Variants in CEP85L observed in about 807,000 individuals in gnomAD.
CEP85L encodes centrosomal protein 85L.
A neutral mutation model predicts 100.3 loss-of-function variants in CEP85L; 60 were observed. The ratio of observed to expected loss-of-function variants is 0.60; its 90% CI spans 0.49 to 0.74. The LOEUF (loss-of-function observed/expected upper bound fraction) is 0.74, where lower values mean the gene tolerates loss of function less well. Among genes scored for constraint, CEP85L ranks in the 30% least tolerant of loss-of-function variants. The probability of loss-of-function intolerance (pLI) is 0.00; values close to 1 mark genes in which losing one functional copy is unlikely to be tolerated. For missense variants in CEP85L, 973 were observed against 936.2 expected (o/e 1.04, Z -0.51); for synonymous variants, 319 against 322.7 (o/e 0.99, Z 0.12).
chr6:118,640,897 T>C (rs1299870816), intron 1 of CEP85L, among the ~76,000 whole-genome samples: 3 of 152,202 alleles, frequency 2.0e-5, no homozygotes, highest in Non-Finnish European at 4.4e-5. Flanking sequence ...TTTTTATTAC[T>C]GTCCATGCAT....
At chr6:118,478,041 T>C (rs1773515623) in intron 10 of CEP85L, among the ~76,000 whole-genome samples, 1 of 152,068 alleles carries the variant, frequency 6.6e-6, no homozygotes, top group Admixed American at 6.5e-5. Flanking sequence ...CAGGCAGCTT[T>C]AAGGAAGTAG....
Position 118,632,436 on chromosome 6 carries a change from T to C in CEP85L, c.232+17A>G. 4 of 1,574,546 alleles carry C rather than the reference T, an allele frequency of 2.5e-6. No individual in the cohort carries two copies. Among genetic ancestry groups the C allele is most frequent in the Non-Finnish European group, 3.4e-6 (4 of 1,161,316 alleles). On this transcript the variant is annotated intron_variant, in intron 2 of 12. Coordinates refer to ENST00000368491, the MANE Select transcript of CEP85L (RefSeq NM_001042475.3). Reference sequence around the variant, plus strand: ...TCTTCAAAGATTCATATATAAACAATAAGAATTTTAGCTCACCTTCCACGC... The same window carrying C: ...TCTTCAAAGATTCATATATAAACAACAAGAATTTTAGCTCACCTTCCACGC...
chr6:118,594,885 A>AC (rs1386623103), intron 2 of CEP85L, among the ~76,000 whole-genome samples: 3 of 151,770 alleles, frequency 2.0e-5, no homozygotes, highest in African/African-American at 7.3e-5. Context: ...ACAAAACAAA[A>AC]AAAAAAAACC....
chr6:118,464,653 G>C lies in CEP85L; in HGVS notation c.*752C>G, dbSNP rs1039051842. 1 of 151,816 alleles carries C rather than the reference G, an allele frequency of 6.6e-6. No homozygotes were observed. Among genetic ancestry groups the C allele is most frequent in the African/African-American group, 2.4e-5 (1 of 41,358 alleles). 9.4% of individuals were successfully genotyped at this position (151,816 alleles called of 1,614,324 possible). ...AATAGTAAGGAACATGTTAAAATTA[G>C]TTCAAGTTATGTTAACCTTTCTTGT... On this transcript the variant is annotated 3_prime_UTR_variant, in exon 13 of 13. Transcript: ENST00000368491.
At chr6:118,503,868 T>G (rs1488930748) in intron 5 of CEP85L, among the ~76,000 whole-genome samples, 1 of 144,936 alleles carries the variant, frequency 6.9e-6, no homozygotes, top group Non-Finnish European at 1.5e-5. Flanking sequence ...TAGATGAACT[T>G]GGCTATGGCA....
At chr6:118,502,059 C>G (rs1775341043) in intron 5 of CEP85L, 2 of 848,516 alleles carry the variant, frequency 2.4e-6, no homozygotes, top group African/African-American at 3.4e-5. Context: ...TGGGACTTCC[C>G]CATCCTGTGG....
At chr6:118,613,897 A>G (rs1005847819) in intron 2 of CEP85L, among the ~76,000 whole-genome samples, 1 of 152,122 alleles carries the variant, frequency 6.6e-6, no homozygotes, top group Non-Finnish European at 1.5e-5. Flanking sequence ...TAAAGGTATT[A>G]TAGTATTAAC....
chr6:118,701,461 G>A (rs1204149088), intron 1 of CEP85L, among the ~76,000 whole-genome samples: 2 of 152,284 alleles, frequency 1.3e-5, no homozygotes, highest in East Asian at 1.9e-4. Flanking sequence ...GAACAAGTTC[G>A]TGTCCTTTGC....
At chr6:118,516,152 T>C (rs751664929) in intron 4 of CEP85L, among the ~76,000 whole-genome samples, 42 of 152,218 alleles carry the variant, frequency 2.8e-4, no homozygotes, top group Non-Finnish European at 4.7e-4. Flanking sequence ...AGTTGTATCA[T>C]TGATGGGTAT....
At chr6:118,564,642 C>T (rs1282894138) in intron 3 of CEP85L, among the ~76,000 whole-genome samples, 3 of 152,088 alleles carry the variant, frequency 2.0e-5, no homozygotes, top group Non-Finnish European at 4.4e-5. Context: ...TTTCCTTATC[C>T]TTTCATAGCC....
upstream of CEP85L, chr6:118,652,492 G>A (rs1775624392): frequency 2.3e-6 from 3 of 1,324,188 alleles, no homozygotes; most frequent in South Asian, 5.2e-5. Context: ...GGTGGGAGGC[G>A]GGCTCTGCAG....
intron 1 of CEP85L, among the ~76,000 whole-genome samples, chr6:118,632,827 C>T (rs1774251462): frequency 6.6e-6 from 1 of 152,206 alleles, no homozygotes; most frequent in Admixed American, 6.5e-5. Flanking sequence ...AGCTGAAGAA[C>T]TCTGTTTTCT....
chr6:118,641,879 T>A (rs1774900078), intron 1 of CEP85L, among the ~76,000 whole-genome samples: 1 of 152,170 alleles, frequency 6.6e-6, no homozygotes, highest in Non-Finnish European at 1.5e-5. Context: ...TCACCTAGCA[T>A]TTCTGTTTGA....
intron 2 of CEP85L, among the ~76,000 whole-genome samples, chr6:118,570,014 T>C (rs1003299049): frequency 6.6e-6 from 1 of 152,182 alleles, no homozygotes; most frequent in African/African-American, 2.4e-5. Flanking sequence ...TTTGTACATA[T>C]CACTGTTTAA....
chr6:118,662,699 T>C (rs1776015116), intron 1 of CEP85L, among the ~76,000 whole-genome samples: 1 of 152,166 alleles, frequency 6.6e-6, no homozygotes, highest in Admixed American at 6.6e-5. Context: ...ATATTAGCTA[T>C]AGTATATTAA....
chr6:118,507,422 A>G (rs751866094), intron 5 of CEP85L, among the ~76,000 whole-genome samples: 5 of 152,178 alleles, frequency 3.3e-5, no homozygotes, highest in Admixed American at 6.5e-5. Flanking sequence ...AATAACATCT[A>G]CCTTAAATCC....
rs577495793 is a variant in CEP85L at position 118,494,100 on chromosome 6, G to A, written c.1258-2235C>T. ...GAAAAAAAGGATAGGTAGAAACAGAGGTTCATAACCTAATAAAGCAAAAAC... is the reference window on the plus strand; with the variant it reads ...GAAAAAAAGGATAGGTAGAAACAGAAGTTCATAACCTAATAAAGCAAAAAC... On this transcript the variant is annotated intron_variant, in intron 5 of 12. Transcript: ENST00000368491. Among the ~76,000 whole-genome samples the A allele has an allele frequency of 9.2e-5, 14 of 152,284 alleles. No homozygotes were observed. In the South Asian group the frequency reaches 2.9e-3, roughly 32 times the overall value.
intron 2 of CEP85L, among the ~76,000 whole-genome samples, chr6:118,616,546 A>AG (rs1479364186): frequency 6.6e-6 from 1 of 151,772 alleles, no homozygotes; most frequent in African/African-American, 2.4e-5. Context: ...AATGAAAAAA[A>AG]AAAAACAGGG....
intron 2 of CEP85L, among the ~76,000 whole-genome samples, chr6:118,585,452 G>C (rs1031914275): frequency 5.9e-5 from 9 of 152,318 alleles, no homozygotes; most frequent in African/African-American, 2.2e-4. Flanking sequence ...AGGCAGCTAA[G>C]TCAGCAGCAA....
Sources: allele counts gnomAD v4.1 joint callset (sites outside exome capture counted in the v4.1 genomes callset), GRCh38; gene constraint gnomAD v4.1.1; transcripts MANE v1.5; gene names NCBI Gene and HGNC (gene_info 2026-07-23, HGNC 2026-07-21).